The following CPXM2 variants were observed in gnomAD, a reference collection of about 807,000 sequenced individuals.
The protein encoded by CPXM2 is carboxypeptidase X, M14 family member 2.
In CPXM2, 66 loss-of-function variants were observed where a neutral mutation model predicts 86.1. The ratio of observed to expected loss-of-function variants is 0.77; its 90% CI spans 0.63 to 0.94. CPXM2 has a LOEUF of 0.94. Ranked by LOEUF, CPXM2 falls within the 40% of genes least tolerant of loss-of-function variation. CPXM2 has a pLI of 0.00. For missense variants in CPXM2, 948 were observed against 1,026.3 expected, an observed-to-expected ratio of 0.92 and a Z score of 1.04; for synonymous variants, 388 against 400.2, an observed-to-expected ratio of 0.97 and a Z score of 0.36.
Position 123,762,150 on chromosome 10 carries a change from G to T in CPXM2, c.1499C>A (p.Ala500Glu), listed in dbSNP as rs1846362387. 1.2e-6 allele frequency: 2 copies of T among 1,614,028 alleles called. No homozygotes were observed. Among genetic ancestry groups the T allele is most frequent in the African/African-American group, 2.7e-5 (2 of 74,926 alleles). ...ENATVAAETR[A>E]VIAWMEKIPF... The stretch of plus-strand genomic sequence containing the variant: ...GATTTTTTCCATCCAGGCTATGACT[G>T]CTCTGGTCTCGGCAGCCACCTGTGA... The change falls in exon 11 of 14, where the codon GCA (alanine) becomes GAA (glutamate). Residue 500 changes from alanine (A) to glutamate (E), a missense_variant. Coordinates refer to ENST00000241305, the MANE Select transcript of CPXM2 (RefSeq NM_198148.3).
At chr10:123,869,868 T>C (rs1944862440) in intron 2 of CPXM2, among the ~76,000 whole-genome samples, 2 of 152,210 alleles carry the variant, frequency 1.3e-5, no homozygotes, top group Non-Finnish European at 2.9e-5. Context: ...TTTAAGATCA[T>C]GGAGGCCTTT....
At chr10:123,875,798 C>CTTTT (rs1564808627) in intron 2 of CPXM2, among the ~76,000 whole-genome samples, 1 of 107,996 alleles carries the variant, frequency 9.3e-6, no homozygotes, top group Non-Finnish European at 2.0e-5. Context: ...ATGTTTCTTT[C>CTTTT]TTTTCTTTCT....
chr10:123,792,896 C>A (rs1046202254), intron 6 of CPXM2, among the ~76,000 whole-genome samples: 1 of 152,168 alleles, frequency 6.6e-6, no homozygotes, highest in Non-Finnish European at 1.5e-5. Flanking sequence ...CTAAGGCAAC[C>A]CAGAGCAGAG....
chr10:123,772,901 C>T (rs1846681773), intron 7 of CPXM2, among the ~76,000 whole-genome samples: 3 of 151,726 alleles, frequency 2.0e-5, no homozygotes, highest in Admixed American at 6.6e-5. Context: ...TTATCACTCC[C>T]CTGGGTGTGG....
chr10:123,877,836 A>G (rs571268050), intron 2 of CPXM2, among the ~76,000 whole-genome samples: 1 of 151,070 alleles, frequency 6.6e-6, no homozygotes, highest in Non-Finnish European at 1.5e-5. Flanking sequence ...AGCCATGTAC[A>G]TGTTCTCTTC....
chr10:123,758,829 GA>G (rs1846272562), intron 11 of CPXM2, among the ~76,000 whole-genome samples: 1 of 152,160 alleles, frequency 6.6e-6, no homozygotes, highest in Admixed American at 6.5e-5. Flanking sequence ...CAGAAAGCAG[GA>G]GTGTTCTGTG....
In CPXM2 at chr10:123,754,615, A is replaced by C; in HGVS notation, c.2017+48T>G. 3.0e-6 allele frequency: 3 copies of C among 1,014,710 alleles called. No homozygotes were observed. In the South Asian group the frequency reaches 3.9e-5, roughly 13 times the overall value. The allele number at this position is 1,014,710 out of a possible 1,614,324, so 62.9% of individuals were successfully genotyped here. A position where few individuals can be genotyped will look rare whatever the true frequency, so the allele number is the denominator to read the frequency against. ...TGTAACCCAAGTAAAATGCCTAAAA[A>C]AATGGGTATTTCTTACCAAGAGACA... On this transcript the variant is annotated intron_variant, in intron 13 of 13. Transcript: ENST00000241305. The surrounding 1 kb of genome is among the most constrained non-coding windows in gnomAD (Gnocchi z 4.0).
intron 13 of CPXM2, chr10:123,751,086 C>G: frequency 1.0e-6 from 1 of 984,276 alleles, no homozygotes; most frequent in Non-Finnish European, 1.2e-6. Flanking sequence ...AAGCCTGTCC[C>G]GCAGACTCTG....
rs1409619542 is a variant in CPXM2 at position 123,745,700 on chromosome 10, T to C, written c.*1064A>G. The C allele has an allele frequency of 6.6e-6, 1 of 151,888 alleles. No homozygotes were observed. Among genetic ancestry groups the C allele is most frequent in the Admixed American group, 6.6e-5 (1 of 15,254 alleles). 9.4% of individuals were successfully genotyped at this position (151,888 alleles called of 1,614,324 possible). On this transcript the variant is annotated 3_prime_UTR_variant, in exon 14 of 14. Transcript: ENST00000241305. ...TCCCAGGTCAATGAGGCAGCAACATTAACAAAAAGTGAGACATACTTTTTT... is the reference window on the plus strand; with the variant it reads ...TCCCAGGTCAATGAGGCAGCAACATCAACAAAAAGTGAGACATACTTTTTT...
At chr10:123,878,070 C>T (rs28448452) in intron 2 of CPXM2, among the ~76,000 whole-genome samples, 1 of 152,146 alleles carries the variant, frequency 6.6e-6, no homozygotes, top group African/African-American at 2.4e-5. Context: ...CCAGTGCAAC[C>T]TGAGTAGATC....
intron 2 of CPXM2, among the ~76,000 whole-genome samples, chr10:123,871,591 T>C (rs1031630998): frequency 1.3e-5 from 2 of 152,238 alleles, no homozygotes; most frequent in Admixed American, 6.5e-5. Flanking sequence ...AGTGAAAATA[T>C]GTTCATGTAA....
At chr10:123,768,798 T>G in intron 8 of CPXM2, 76 bp from the exon 9 acceptor site, 1 of 1,315,528 alleles carries the variant, frequency 7.6e-7, no homozygotes, top group South Asian at 1.3e-5. Context: ...CACATTGTGT[T>G]GGGGGGAAAG....
At chr10:123,868,277 C>T (rs907916895) in intron 2 of CPXM2, among the ~76,000 whole-genome samples, 10 of 152,292 alleles carry the variant, frequency 6.6e-5, no homozygotes, top group African/African-American at 1.9e-4. Flanking sequence ...CTCTGGGCTG[C>T]ACCCTGGTCT....
intron 4 of CPXM2, among the ~76,000 whole-genome samples, chr10:123,818,981 G>A (rs936072671): frequency 6.6e-6 from 1 of 152,116 alleles, no homozygotes. Flanking sequence ...ACGACATTAC[G>A]TTCTGCTGGC....
At chr10:123,750,414 C>T (rs762155689) in intron 13 of CPXM2, 7 of 978,074 alleles carry the variant, frequency 7.2e-6, no homozygotes, top group Non-Finnish European at 8.5e-6. Context: ...TGACTCTGAG[C>T]CTTTGCAATT....
At chr10:123,764,762 A>G (rs1382284610) in intron 10 of CPXM2, among the ~76,000 whole-genome samples, 1 of 152,056 alleles carries the variant, frequency 6.6e-6, no homozygotes, top group East Asian at 1.9e-4. Flanking sequence ...CCTTGTTTTT[A>G]AATTAATCTC....
intron 2 of CPXM2, among the ~76,000 whole-genome samples, chr10:123,875,337 C>T (rs1196545722): frequency 6.6e-6 from 1 of 152,188 alleles, no homozygotes; most frequent in Non-Finnish European, 1.5e-5. Flanking sequence ...GGCTTCCTAA[C>T]CACCGTCTGT....
At chr10:123,810,177 G>T (rs1004601477) in intron 4 of CPXM2, among the ~76,000 whole-genome samples, 1 of 151,812 alleles carries the variant, frequency 6.6e-6, no homozygotes, top group Admixed American at 6.6e-5. Context: ...AAAAGATTCA[G>T]TTTGCCAGGA....
chr10:123,865,598 G>A lies in CPXM2; in HGVS notation c.404-2875C>T, dbSNP rs982868634. 1.3e-5 allele frequency among the ~76,000 whole-genome samples: 2 copies of A among 152,134 alleles called. No individual in the cohort carries two copies. The highest frequency in any genetic ancestry group is 2.4e-5 in the African/African-American group (1 of 41,420). On this transcript the variant is annotated intron_variant, in intron 2 of 13. Transcript: ENST00000241305. The surrounding 1 kb of genome is among the most constrained non-coding windows in gnomAD (Gnocchi z 4.7). ...CCTCTGAGTTTCCACTCAACCTCAC[G>A]CATGCCTCCAGAGAGGGCCTGACTC...
Sources: gnomAD v4.1 joint callset for allele counts (sites outside exome capture counted in the v4.1 genomes callset) on GRCh38, gnomAD v4.1.1 for gene constraint, Gnocchi (gnomAD v3.1) non-coding constraint, MANE v1.5 for transcripts, NCBI Gene and HGNC (gene_info 2026-07-23, HGNC 2026-07-21) for gene names.